ZMAT1: variants seen among roughly 807,000 people sequenced by gnomAD.
ZMAT1 encodes the protein zinc finger matrin-type 1.
ZMAT1 carries 11 observed loss-of-function variants against 18.5 expected under a neutral mutation model. That is an observed-to-expected ratio of 0.59 (90% CI 0.37 to 0.98). ZMAT1 has a LOEUF of 0.98. Ranked by LOEUF, ZMAT1 falls within the 50% of genes least tolerant of loss-of-function variation. The probability of loss-of-function intolerance (pLI) is 0.01; values close to 1 mark genes in which losing one functional copy is unlikely to be tolerated. For missense variants in ZMAT1, 525 were observed against 496.2 expected (o/e 1.06, Z -0.55); for synonymous variants, 211 against 176.4 (o/e 1.20, Z -1.55).
chrX:101,930,054 G>A (rs1351847975), intron 1 of ZMAT1, among the ~76,000 whole-genome samples: 1 of 111,799 alleles, frequency 8.9e-6, no homozygotes, highest in Admixed American at 9.5e-5. Flanking sequence ...CATAAGTAAG[G>A]TATTGCTCCT....
Position 101,883,681 on chromosome X carries a change from C to T in ZMAT1, c.1917G>A (p.Glu639=). ...KDKSIRQRKR[E]EDRVKVSSGK... ...CTGAACTGACCTTGACTCTATCCTCCTCTCTTTTCCTTTGTCTGATGCTCT... is the reference window on the plus strand; with the variant it reads ...CTGAACTGACCTTGACTCTATCCTCTTCTCTTTTCCTTTGTCTGATGCTCT... Residue 639 remains glutamate, a synonymous_variant, in exon 6 of 6, where the codon GAG becomes GAA. Transcript: ENST00000651725. 1 of 1,207,725 alleles carries T rather than the reference C, an allele frequency of 8.3e-7. No homozygotes were observed.
chrX:101,895,957 A>G (rs1377013941), intron 4 of ZMAT1: 1 of 525,519 alleles, frequency 1.9e-6, no homozygotes, highest in Non-Finnish European at 2.3e-6. Context: ...ACTACTAGGG[A>G]AATTTATAAT....
intron 1 of ZMAT1, among the ~76,000 whole-genome samples, chrX:101,917,019 T>C (rs950446560): frequency 2.1e-4 from 24 of 111,935 alleles, no homozygotes; most frequent in Non-Finnish European, 2.8e-4. Context: ...CCCCTATCTC[T>C]ATATACAAAA....
rs759044077 is a variant in ZMAT1 at position 101,898,042 on chromosome X, C to T, written c.502G>A (p.Val168Met). The change falls in exon 4 of 6, where the codon GTG (valine) becomes ATG (methionine). Residue 168 changes from valine (V) to methionine (M), a missense_variant and splice_region_variant. By Grantham distance (21) the Val-to-Met change is conservative (BLOSUM62 1). Coordinates refer to ENST00000651725, the MANE Select transcript of ZMAT1 (RefSeq NM_001394560.1). ...KMKMHVENFQ[V>M]HRYEGVDKNK... is the part of the protein sequence containing the mutation. ...TTGTCCACTCCTTCATACCTATGCACCTGAAATAGGCACAATCTTGTTAGA... is the reference window on the plus strand; with the variant it reads ...TTGTCCACTCCTTCATACCTATGCATCTGAAATAGGCACAATCTTGTTAGA... 3 of 1,210,553 alleles carry T rather than the reference C, an allele frequency of 2.5e-6. No homozygotes were observed. The highest frequency in any genetic ancestry group is 3.0e-5 in the East Asian group (1 of 33,832).
chrX:101,891,626 AT>A (rs1336190909), intron 4 of ZMAT1, among the ~76,000 whole-genome samples: 1 of 111,278 alleles, frequency 9.0e-6, no homozygotes, highest in Non-Finnish European at 1.9e-5. Context: ...GGAGAATGCC[AT>A]TCTTTAAAGA....
chrX:101,914,503 T>C (rs1287054841), intron 1 of ZMAT1, among the ~76,000 whole-genome samples: 2 of 109,408 alleles, frequency 1.8e-5, no homozygotes, highest in Non-Finnish European at 1.9e-5. Flanking sequence ...AAATCAGAAA[T>C]GAAAAAGGAG....
At chrX:101,918,445 TAC>T (rs61351078) in intron 1 of ZMAT1, 3,635 of 83,160 alleles carry the variant, frequency 0.044, 86 homozygotes, top group African/African-American at 0.074. Flanking sequence ...TCTACTAAAA[TAC>T]ACACACACAC....
intron 4 of ZMAT1, among the ~76,000 whole-genome samples, chrX:101,897,544 T>TAAAAAA (rs776116456): frequency 5.1e-5 from 4 of 78,918 alleles, no homozygotes; most frequent in Non-Finnish European, 1.0e-4. Context: ...AGTGTCTATC[T>TAAAAAA]AAAAAAAAAA....
chrX:101,929,460 CACAGAGAGAGAG>C (rs1376764080), intron 1 of ZMAT1, among the ~76,000 whole-genome samples: 1 of 82,139 alleles, frequency 1.2e-5, no homozygotes, highest in East Asian at 3.6e-4. Flanking sequence ...TATATATACA[CACAGAGAGAGAG>C]AGAGAGAGAG....
chrX:101,929,320 T>A (rs185737519), intron 1 of ZMAT1, among the ~76,000 whole-genome samples: 8 of 106,806 alleles, frequency 7.5e-5, no homozygotes, highest in Admixed American at 6.3e-4. Context: ...CAAAAGATAT[T>A]GGCACACCAC....
At chrX:101,891,043 T>G (rs1029048307) in intron 4 of ZMAT1, among the ~76,000 whole-genome samples, 3 of 111,104 alleles carry the variant, frequency 2.7e-5, no homozygotes, top group African/African-American at 9.8e-5. Flanking sequence ...GTTGGTCAAT[T>G]GTGTGTTTTA....
chrX:101,905,565 T>A lies in ZMAT1; in HGVS notation c.293-1235A>T, dbSNP rs190374582. Reference sequence around the variant, plus strand: ...AAAGCTGTAGAACAAATACAATACATCCAATTCCCAATACTAACAAAAATT... The same window carrying A: ...AAAGCTGTAGAACAAATACAATACAACCAATTCCCAATACTAACAAAAATT... On this transcript the variant is annotated intron_variant, in intron 1 of 5. Coordinates refer to ENST00000651725, the MANE Select transcript of ZMAT1 (RefSeq NM_001394560.1). 2.7e-3 allele frequency among the ~76,000 whole-genome samples: 297 copies of A among 111,778 alleles called. 1 individual carries two copies. The highest frequency in any genetic ancestry group is 9.0e-3 in the African/African-American group (276 of 30,807).
chrX:101,917,439 G>A (rs1322068833), intron 1 of ZMAT1, among the ~76,000 whole-genome samples: 1 of 108,908 alleles, frequency 9.2e-6, no homozygotes, highest in African/African-American at 3.4e-5. Flanking sequence ...ATGAAAAGGT[G>A]TTCAACATAA....
intron 4 of ZMAT1, chrX:101,888,030 G>A (rs960853131): frequency 1.2e-4 from 13 of 111,586 alleles, no homozygotes; most frequent in African/African-American, 4.2e-4. Context: ...CAACTGGGGT[G>A]TCAGTTAAAA....
chrX:101,896,115 T>G (rs1327568364), intron 4 of ZMAT1, among the ~76,000 whole-genome samples: 1 of 111,880 alleles, frequency 8.9e-6, no homozygotes, highest in Non-Finnish European at 1.9e-5. Context: ...AGTAGTATTC[T>G]GTATTAGGCA....
chrX:101,907,865 G>A (rs1453516504), intron 1 of ZMAT1, among the ~76,000 whole-genome samples: 6 of 110,754 alleles, frequency 5.4e-5, no homozygotes, highest in Non-Finnish European at 7.6e-5. Flanking sequence ...AAAATATACC[G>A]TAAGAGGAAA....
chrX:101,926,471 TAAC>T (rs1195524608), intron 1 of ZMAT1, among the ~76,000 whole-genome samples: 2 of 112,289 alleles, frequency 1.8e-5, no homozygotes, highest in South Asian at 3.7e-4. Context: ...TGCTACTACA[TAAC>T]AACAGGCAAT....
Position 101,886,706 on chromosome X carries a change from G to A in ZMAT1, c.702C>T (p.Cys234=). ...EMAFSMRTYV[C]HICSIAFTSL... ...ATGTAAAAGCAATACTACAAATATG[G>A]CAAACATAGGTTCTCATACTAAATG... is the stretch of plus-strand genomic sequence containing the variant. The change falls in exon 5 of 6, where the codon TGC becomes TGT. Residue 234 remains cysteine, a synonymous_variant. Coordinates refer to ENST00000651725, the MANE Select transcript of ZMAT1 (RefSeq NM_001394560.1). 1 of 1,199,457 alleles carries A rather than the reference G, an allele frequency of 8.3e-7. No homozygotes were observed. Among genetic ancestry groups the A allele is most frequent in the Admixed American group, 2.2e-5 (1 of 45,371 alleles).
chrX:101,892,763 G>C, intron 4 of ZMAT1: 1 of 746,173 alleles, frequency 1.3e-6, no homozygotes, highest in Non-Finnish European at 1.6e-6. Flanking sequence ...AGCTGGATGA[G>C]GGACATGAAG....
Sources: allele counts gnomAD v4.1 joint callset (sites outside exome capture counted in the v4.1 genomes callset), GRCh38; gene constraint gnomAD v4.1.1; transcripts MANE v1.5; gene names NCBI Gene and HGNC (gene_info 2026-07-23, HGNC 2026-07-21).